SRGAP1: variants seen among roughly 807,000 people sequenced by gnomAD.
SRGAP1 encodes the protein SLIT-ROBO Rho GTPase-activating protein 1.
Under a neutral mutation model 121.9 loss-of-function variants are expected in SRGAP1, and 43 were observed. The observed-to-expected ratio is 0.35, with a 90% CI of 0.28 to 0.46. The LOEUF (loss-of-function observed/expected upper bound fraction) is 0.46, where lower values mean the gene tolerates loss of function less well. Ranked by LOEUF, SRGAP1 falls within the 20% of genes least tolerant of loss-of-function variation. The pLI is 1.00. For synonymous variants in SRGAP1, 447 were observed against 485.4 expected (o/e 0.92, Z 1.04); for missense variants, 1,102 against 1,350.9 (o/e 0.82, Z 2.89).
chr12:64,110,305 T>C (rs1195215737), intron 16 of SRGAP1, among the ~76,000 whole-genome samples: 1 of 152,188 alleles, frequency 6.6e-6, no homozygotes, highest in Non-Finnish European at 1.5e-5. Context: ...CATAATGGAC[T>C]AGGAAAGCAG....
intron 3 of SRGAP1, among the ~76,000 whole-genome samples, chr12:63,999,222 G>A (rs775745779): frequency 4.6e-5 from 7 of 152,142 alleles, no homozygotes; most frequent in Non-Finnish European, 8.8e-5. Context: ...TCAAAGAATG[G>A]GAGAGGGCAG....
rs138450048 is a variant in SRGAP1 at position 63,968,987 on chromosome 12, C to T, written c.68-14960C>T. Among the ~76,000 whole-genome samples, 98 of 152,164 alleles carry T rather than the reference C, an allele frequency of 6.4e-4. 1 individual carries two copies. Among genetic ancestry groups the T allele is most frequent in the Admixed American group, 1.8e-3 (28 of 15,290 alleles). ...TGTGCCTGTGAGTAGTGTGGGTCCC[C>T]GCCAGAAACATCTAAACTTCAAAGG... On this transcript the variant is annotated intron_variant, in intron 1 of 21. Transcript: ENST00000355086.
rs1376641573 is a variant in SRGAP1 at position 63,949,116 on chromosome 12, T to TTTC, written c.68-34831_68-34830insTTC. Among the ~76,000 whole-genome samples the TTTC allele has an allele frequency of 3.4e-3, 329 of 96,396 alleles. 5 individuals are homozygous for TTTC. Among genetic ancestry groups the TTTC allele is most frequent in the African/African-American group, 0.011 (287 of 27,006 alleles). The allele number at this position is 96,396 out of a possible 152,430, so 63.2% of individuals were successfully genotyped here. A position where few individuals can be genotyped will look rare whatever the true frequency, so the allele number is the denominator to read the frequency against. ...ATATGTATTTTCCATATATATACAT[T>TTTC]CATATATGTATTTTCCATATATATA... On this transcript the variant is annotated intron_variant, in intron 1 of 21. Coordinates refer to ENST00000355086, the MANE Select transcript of SRGAP1 (RefSeq NM_020762.4).
At position 64,158,470 on chromosome 12, in the gene SRGAP1, T is replaced by C. The variant is rs764738308; in HGVS notation, c.*15798T>C. On this transcript the variant is annotated 3_prime_UTR_variant, in exon 22 of 22. Coordinates refer to ENST00000355086, the MANE Select transcript of SRGAP1 (RefSeq NM_020762.4). ...CTAAAGTCTACCCTCTTAGTTGACA[T>C]AGAATTAAATTAAAATCAGTATTGA... 2.0e-5 allele frequency: 3 copies of C among 152,348 alleles called. No individual in the cohort carries two copies. Among genetic ancestry groups the C allele is most frequent in the South Asian group, 2.1e-4 (1 of 4,830 alleles). 9.4% of individuals were successfully genotyped at this position (152,348 alleles called of 1,614,324 possible). A position where few individuals can be genotyped will look rare whatever the true frequency, so the allele number is the denominator to read the frequency against.
intron 1 of SRGAP1, among the ~76,000 whole-genome samples, chr12:63,961,732 C>A (rs750198930): frequency 4.6e-5 from 7 of 152,180 alleles, no homozygotes; most frequent in Admixed American, 6.5e-5. Context: ...GAGAATAAAA[C>A]AATTTCCCTG....
At chr12:63,928,228 G>T (rs549265551) in intron 1 of SRGAP1, among the ~76,000 whole-genome samples, 1 of 152,280 alleles carries the variant, frequency 6.6e-6, no homozygotes, top group African/African-American at 2.4e-5. Context: ...GCTGATGGGA[G>T]TATAAAATGG....
At chr12:63,852,172 A>G (rs1381543988) in intron 1 of SRGAP1, among the ~76,000 whole-genome samples, 1 of 151,810 alleles carries the variant, frequency 6.6e-6, no homozygotes, top group Non-Finnish European at 1.5e-5. Context: ...TATTTTTTGT[A>G]GAGACGGGTT....
At position 63,966,005 on chromosome 12, in the gene SRGAP1, A is replaced by T. The variant is rs765687664; in HGVS notation, c.68-17942A>T. Among the ~76,000 whole-genome samples the T allele has an allele frequency of 7.2e-5, 11 of 152,314 alleles. 1 individual carries two copies. In the South Asian group the frequency reaches 2.3e-3, roughly 32 times the overall value. The stretch of plus-strand genomic sequence containing the variant: ...CAGCTAATTTTTGTACTTTTAGTAG[A>T]GACAGGGTTTCACCATGTTAGCCAG... On this transcript the variant is annotated intron_variant, in intron 1 of 21. Transcript: ENST00000355086.
At chr12:63,929,425 G>A (rs1253151189) in intron 1 of SRGAP1, among the ~76,000 whole-genome samples, 1 of 152,208 alleles carries the variant, frequency 6.6e-6, no homozygotes, top group East Asian at 1.9e-4. Flanking sequence ...CTTCATGACA[G>A]CACCTCAGTG....
chr12:63,962,240 C>G (rs1209056725), intron 1 of SRGAP1, among the ~76,000 whole-genome samples: 1 of 152,122 alleles, frequency 6.6e-6, no homozygotes, highest in East Asian at 1.9e-4. Flanking sequence ...CTTTGGGATG[C>G]TGATATATGT....
chr12:64,034,809 T>C (rs868015489), intron 4 of SRGAP1, among the ~76,000 whole-genome samples: 5 of 152,212 alleles, frequency 3.3e-5, no homozygotes, highest in Middle Eastern at 3.2e-3. Flanking sequence ...GCAGTCTGTC[T>C]CATGAGTCGG....
At chr12:64,097,407 A>G in intron 15 of SRGAP1, 32 bp downstream of exon 15, 1 of 1,607,786 alleles carries the variant, frequency 6.2e-7, no homozygotes, top group Non-Finnish European at 8.5e-7. Context: ...CTTTTCCCAC[A>G]AGAATTATTT....
At chr12:64,080,212 C>T in intron 9 of SRGAP1, 74 bp from the exon 10 acceptor site, 2 of 1,324,010 alleles carry the variant, frequency 1.5e-6, no homozygotes, top group South Asian at 1.5e-5. Context: ...CACTGCACTC[C>T]AGCCTGGGTG....
intron 8 of SRGAP1, among the ~76,000 whole-genome samples, chr12:64,065,848 A>C (rs1187389878): frequency 2.6e-5 from 4 of 152,228 alleles, no homozygotes; most frequent in Admixed American, 1.3e-4. Context: ...ATATTTTCAA[A>C]TGGTACTTGA....
intron 16 of SRGAP1, 36 bp downstream of exon 16, chr12:64,109,073 G>A: frequency 1.5e-6 from 2 of 1,370,964 alleles, no homozygotes; most frequent in Admixed American, 2.0e-5. Flanking sequence ...AGGCCCATCT[G>A]AATTCTGTCT....
At chr12:64,012,574 T>TTTTTTG (rs2034283040) in intron 3 of SRGAP1, among the ~76,000 whole-genome samples, 1 of 145,030 alleles carries the variant, frequency 6.9e-6, no homozygotes, top group Non-Finnish European at 1.5e-5. Context: ...TTTTTTTTTT[T>TTTTTTG]TTGAGAGTGG....
chr12:63,920,340 G>T (rs2030990489), intron 1 of SRGAP1, among the ~76,000 whole-genome samples: 1 of 152,112 alleles, frequency 6.6e-6, no homozygotes, highest in Non-Finnish European at 1.5e-5. Context: ...ATGTTCCAAG[G>T]CAACAAAACA....
chr12:64,006,327 A>G lies in SRGAP1; in HGVS notation c.427-10623A>G, dbSNP rs1166739994. On this transcript the variant is annotated intron_variant, in intron 3 of 21. Coordinates refer to ENST00000355086, the MANE Select transcript of SRGAP1 (RefSeq NM_020762.4). Reference sequence around the variant, plus strand: ...TCCTGGTGGCCCCTTAACAGCAATGAGTTTTAAAGATGAATTAGGCCACTT... The same window carrying G: ...TCCTGGTGGCCCCTTAACAGCAATGGGTTTTAAAGATGAATTAGGCCACTT... Among the ~76,000 whole-genome samples the G allele has an allele frequency of 2.6e-5, 4 of 152,186 alleles. No individual in the cohort carries two copies. In the East Asian group the frequency reaches 7.7e-4, roughly 29 times the overall value.
At chr12:63,866,939 G>C (rs1298168921) in intron 1 of SRGAP1, among the ~76,000 whole-genome samples, 1 of 151,838 alleles carries the variant, frequency 6.6e-6, no homozygotes, top group African/African-American at 2.4e-5. Context: ...CACGCTCATG[G>C]CTCACTGCAG....
Sources: allele counts gnomAD v4.1 joint callset (sites outside exome capture counted in the v4.1 genomes callset), GRCh38; gene constraint gnomAD v4.1.1; transcripts MANE v1.5; gene names NCBI Gene and HGNC (gene_info 2026-07-23, HGNC 2026-07-21).